BCAS3: variants seen among roughly 807,000 people sequenced by gnomAD.
The protein encoded by BCAS3 is BCAS3 microtubule associated cell migration factor.
BCAS3 carries 53 observed loss-of-function variants against 116.1 expected under a neutral mutation model. That is an observed-to-expected ratio of 0.46 (90% CI 0.37 to 0.57). The LOEUF (loss-of-function observed/expected upper bound fraction) is 0.57. Among genes scored for constraint, BCAS3 ranks in the 20% least tolerant of loss-of-function variants. The pLI is 0.00. For synonymous variants in BCAS3, 391 were observed against 408.2 expected (o/e 0.96, Z 0.51); for missense variants, 917 against 1,165.4 (o/e 0.79, Z 3.10).
intron 13 of BCAS3, among the ~76,000 whole-genome samples, chr17:60,944,433 C>T (rs2060378466): frequency 6.6e-6 from 1 of 151,928 alleles, no homozygotes; most frequent in African/African-American, 2.4e-5. Context: ...CTTGAAAATT[C>T]CCTTAAACAT....
intron 22 of BCAS3, among the ~76,000 whole-genome samples, chr17:61,297,897 G>C (rs1411504663): frequency 6.6e-6 from 1 of 151,738 alleles, no homozygotes; most frequent in Non-Finnish European, 1.5e-5. Context: ...CCCCTAAAAA[G>C]ACTGTTTCCA....
intron 22 of BCAS3, among the ~76,000 whole-genome samples, chr17:61,094,384 G>T (rs1395257584): frequency 6.6e-6 from 1 of 152,182 alleles, no homozygotes; most frequent in Non-Finnish European, 1.5e-5. Context: ...TGTTTATTCA[G>T]ACATGGGCAT....
At chr17:60,727,810 CTTTTT>C (rs756342642) in intron 5 of BCAS3, among the ~76,000 whole-genome samples, 1 of 139,738 alleles carries the variant, frequency 7.2e-6, no homozygotes, top group Non-Finnish European at 1.6e-5. Flanking sequence ...TACTTTTTTC[CTTTTT>C]TTTTTTTTTT....
At position 60,964,920 on chromosome 17, in the gene BCAS3, G is replaced by C. The variant is rs113472138; in HGVS notation, c.1221+17568G>C. ...CTTTGTTTCTGATTTTATTTATTTA[G>C]GTCTTCTCTCTTTTTTCTTAGTCTA... On this transcript the variant is annotated intron_variant, in intron 14 of 23. Transcript: ENST00000407086. The surrounding 1 kb of genome is among the most constrained non-coding windows in gnomAD (Gnocchi z 4.6). Among the ~76,000 whole-genome samples, 5,771 of 151,906 alleles carry C rather than the reference G, an allele frequency of 0.038. 411 individuals are homozygous for C. The highest frequency in any genetic ancestry group is 0.13 in the African/African-American group (5,471 of 41,420).
At position 60,956,616 on chromosome 17, in the gene BCAS3, T is replaced by C. The variant is rs1377648774; in HGVS notation, c.1221+9264T>C. Among the ~76,000 whole-genome samples, 1 of 152,218 alleles carries C rather than the reference T, an allele frequency of 6.6e-6. No homozygotes were observed. The highest frequency in any genetic ancestry group is 1.5e-5 in the Non-Finnish European group (1 of 68,028). On this transcript the variant is annotated intron_variant, in intron 14 of 23. Coordinates refer to ENST00000407086, the MANE Select transcript of BCAS3 (RefSeq NM_017679.5). The surrounding 1 kb of genome is among the most constrained non-coding windows in gnomAD (Gnocchi z 4.2). ...TAAGCTTCTTGGCATCTCTCATGCA[T>C]AGAATGGAGCCTTGCATATTGTAGT...
chr17:61,070,204 G>T, intron 19 of BCAS3: 3 of 1,563,200 alleles, frequency 1.9e-6, no homozygotes, highest in Non-Finnish European at 1.7e-6. Context: ...GATTAAACAG[G>T]CTGTGAAGAA....
At position 61,142,274 on chromosome 17, in the gene BCAS3, C is replaced by G. The variant is rs890824035; in HGVS notation, c.2425+57710C>G. 2.0e-5 allele frequency among the ~76,000 whole-genome samples: 3 copies of G among 152,130 alleles called. No homozygotes were observed. In the East Asian group the frequency reaches 5.8e-4, roughly 29 times the overall value. ...AGTAATTGGCAGAGCCAAATTTAAA[C>G]CCAGATCTGTACAATTGAAGCTGAT... is the stretch of plus-strand genomic sequence containing the variant. On this transcript the variant is annotated intron_variant, in intron 22 of 23. Transcript: ENST00000407086.
At chr17:60,740,809 G>A (rs566427274) in intron 5 of BCAS3, among the ~76,000 whole-genome samples, 34 of 152,150 alleles carry the variant, frequency 2.2e-4, no homozygotes, top group South Asian at 2.1e-3. Context: ...AGTTTCTGTC[G>A]AGGCCAGGCT....
Position 61,222,930 on chromosome 17 carries a change from C to T in BCAS3, c.2425+138366C>T, listed in dbSNP as rs1012716951. ...TGTAATTTGTTTGCTGTTTAGGAGC[C>T]AGCCCTTCAGCTTCCTTTCAGTGAT... On this transcript the variant is annotated intron_variant, in intron 22 of 23. Transcript: ENST00000407086. The surrounding 1 kb of genome is among the most constrained non-coding windows in gnomAD (Gnocchi z 6.1). Among the ~76,000 whole-genome samples the T allele has an allele frequency of 6.6e-6, 1 of 152,098 alleles. No homozygotes were observed. The highest frequency in any genetic ancestry group is 2.4e-5 in the African/African-American group (1 of 41,416).
rs557791309 is a variant in BCAS3 at position 61,352,892 on chromosome 17, G to A, written c.2426-15435G>A. On this transcript the variant is annotated intron_variant, in intron 22 of 23. Transcript: ENST00000407086. This position sits in a 1 kb window ranked among gnomAD's most constrained non-coding sequence, Gnocchi z 4.7. ...CCTGCTCGGCTCCTAGGCTGCTAGC[G>A]GGAGGTATGAATTTCTCTTGTTTGC... Among the ~76,000 whole-genome samples, 30 of 152,322 alleles carry A rather than the reference G, an allele frequency of 2.0e-4. No homozygotes were observed. The South Asian group carries it at 2.7e-3, about 14-fold the overall frequency.
intron 5 of BCAS3, among the ~76,000 whole-genome samples, chr17:60,710,721 A>G (rs2643106): frequency 0.29 from 44,206 of 151,586 alleles, 7,037 homozygotes; most frequent in African/African-American, 0.41. Flanking sequence ...GTGAGCCACC[A>G]TGCCTGGCCA....
chr17:60,683,866 C>A, intron 2 of BCAS3, 116 bp from the exon 3 acceptor site: 4 of 935,674 alleles, frequency 4.3e-6, no homozygotes, highest in Non-Finnish European at 4.8e-6. Context: ...AAAAAAACCC[C>A]AAAAAACAAA....
intron 19 of BCAS3, among the ~76,000 whole-genome samples, chr17:61,059,012 A>G (rs918629429): frequency 2.3e-5 from 3 of 130,626 alleles, no homozygotes; most frequent in Non-Finnish European, 3.1e-5. Flanking sequence ...GCTACTTGCT[A>G]TCTGTACAGC....
chr17:61,291,631 A>T (rs369425795), intron 22 of BCAS3, among the ~76,000 whole-genome samples: 17 of 152,272 alleles, frequency 1.1e-4, no homozygotes, highest in African/African-American at 3.9e-4. Flanking sequence ...TGAAGGTATC[A>T]CCTCTGCAGG....
In BCAS3 at chr17:61,019,738, C is replaced by T. The variant is rs186827711; in HGVS notation, c.1637+3837C>T. ...TCTTAAGACTGGAGTTAGCTAATTT[C>T]CATTAATTATTGGCATTAAATTGTA... On this transcript the variant is annotated intron_variant, in intron 16 of 23. Coordinates refer to ENST00000407086, the MANE Select transcript of BCAS3 (RefSeq NM_017679.5). This position sits in a 1 kb window ranked among gnomAD's most constrained non-coding sequence, Gnocchi z 5.6. Among the ~76,000 whole-genome samples the T allele has an allele frequency of 6.6e-6, 1 of 152,178 alleles. No homozygotes were observed. Among genetic ancestry groups the T allele is most frequent in the Non-Finnish European group, 1.5e-5 (1 of 67,982 alleles).
At chr17:61,360,747 A>C (rs2058412156) in intron 22 of BCAS3, among the ~76,000 whole-genome samples, 1 of 152,264 alleles carries the variant, frequency 6.6e-6, no homozygotes, top group Admixed American at 6.5e-5. Context: ...TTTCCAAATA[A>C]GGCCACATTC....
Position 61,037,776 on chromosome 17 carries a change from A to G in BCAS3, c.1763-113A>G. The G allele has an allele frequency of 2.0e-6, 2 of 1,010,548 alleles. No individual in the cohort carries two copies. The highest frequency in any genetic ancestry group is 2.8e-6 in the Non-Finnish European group (2 of 724,774). The allele number at this position is 1,010,548 out of a possible 1,614,324, so 62.6% of individuals were successfully genotyped here. A position where few individuals can be genotyped will look rare whatever the true frequency, so the allele number is the denominator to read the frequency against. ...AAAAGAAAAAAATTCCTGTCTTTTCATTTTCTCTGAGCAGCCTCAGGAGCA... is the reference window on the plus strand; with the variant it reads ...AAAAGAAAAAAATTCCTGTCTTTTCGTTTTCTCTGAGCAGCCTCAGGAGCA... On this transcript the variant is annotated intron_variant, in intron 17 of 23. Transcript: ENST00000407086. The surrounding 1 kb of genome is among the most constrained non-coding windows in gnomAD (Gnocchi z 4.7).
chr17:61,078,075 G>A (rs1481652002), intron 20 of BCAS3, among the ~76,000 whole-genome samples: 3 of 152,154 alleles, frequency 2.0e-5, no homozygotes, highest in East Asian at 3.8e-4. Flanking sequence ...TGTGTGAGGT[G>A]TGCATGTGTG....
intron 19 of BCAS3, among the ~76,000 whole-genome samples, chr17:61,045,595 C>T (rs891886956): frequency 6.7e-6 from 1 of 149,568 alleles, no homozygotes; most frequent in Non-Finnish European, 1.5e-5. Context: ...GCGGGGGGAT[C>T]GCTTGAAGCC....
Sources: gnomAD v4.1 joint callset for allele counts (sites outside exome capture counted in the v4.1 genomes callset) on GRCh38, gnomAD v4.1.1 for gene constraint, Gnocchi (gnomAD v3.1) non-coding constraint, MANE v1.5 for transcripts, NCBI Gene and HGNC (gene_info 2026-07-23, HGNC 2026-07-21) for gene names.